The following GPC6 variants were observed in gnomAD, a reference collection of about 807,000 sequenced individuals.
The protein encoded by GPC6 is glypican 6.
GPC6 carries 14 observed loss-of-function variants against 55.2 expected under a neutral mutation model. The ratio of observed to expected loss-of-function variants is 0.25; its 90% CI spans 0.17 to 0.40. GPC6 has a LOEUF of 0.40. Among genes scored for constraint, GPC6 ranks in the 10% least tolerant of loss-of-function variants. The pLI, the probability that GPC6 is intolerant of heterozygous loss-of-function variation, is 1.00. For missense variants in GPC6, 641 were observed against 708.5 expected, an observed-to-expected ratio of 0.90 and a Z score of 1.08; for synonymous variants, 278 against 259.6, an observed-to-expected ratio of 1.07 and a Z score of -0.68.
rs569796032 is a variant in GPC6, at chr13:93,968,169, T to A, written c.712-59560T>A. Among the ~76,000 whole-genome samples, 348 of 152,290 alleles carry A rather than the reference T, an allele frequency of 2.3e-3. 1 individual carries two copies. Among genetic ancestry groups the A allele is most frequent in the Admixed American group, 5.8e-3 (88 of 15,294 alleles). ...GTGTACTTAGTAAAATGCTCATTGT[T>A]AGAAGAAATGAAAGGATGTAGCCAA... On this transcript the variant is annotated intron_variant, in intron 3 of 8. Transcript: ENST00000377047.
In GPC6 at chr13:93,394,202, A is replaced by G. The variant is rs553249506; in HGVS notation, c.161-151061A>G. Reference sequence around the variant, plus strand: ...ATTTTCTTTCTTGTATTCTAATAGCATTTTATGCTTGTAACTGTCATGGAG... The same window carrying G: ...ATTTTCTTTCTTGTATTCTAATAGCGTTTTATGCTTGTAACTGTCATGGAG... On this transcript the variant is annotated intron_variant, in intron 1 of 8. Transcript: ENST00000377047. Among the ~76,000 whole-genome samples, 155 of 152,262 alleles carry G rather than the reference A, an allele frequency of 1.0e-3. 3 individuals are homozygous for G. In the South Asian group the frequency reaches 0.031, roughly 31 times the overall value.
chr13:93,246,444 G>A lies in GPC6; in HGVS notation c.160+18828G>A, dbSNP rs72635657. Among the ~76,000 whole-genome samples, 1,000 of 151,808 alleles carry A rather than the reference G, an allele frequency of 6.6e-3. 10 individuals carry two copies. The highest frequency in any genetic ancestry group is 0.011 in the Non-Finnish European group (740 of 67,946). On this transcript the variant is annotated intron_variant, in intron 1 of 8. Coordinates refer to ENST00000377047, the MANE Select transcript of GPC6 (RefSeq NM_005708.5). Reference sequence around the variant, plus strand: ...TTTCTTAAGATTGCAGTGATGTTGAGGCAACCATTTTCTTTGCAAAGAAAA... The same window carrying A: ...TTTCTTAAGATTGCAGTGATGTTGAAGCAACCATTTTCTTTGCAAAGAAAA...
chr13:94,035,019 A>C (rs1442959721), intron 4 of GPC6, among the ~76,000 whole-genome samples: 1 of 151,844 alleles, frequency 6.6e-6, no homozygotes, highest in African/African-American at 2.4e-5. Context: ...AGAAGAATTT[A>C]GTTGACCAAG....
chr13:94,260,125 A>C (rs1330240640), intron 4 of GPC6, among the ~76,000 whole-genome samples: 1 of 152,192 alleles, frequency 6.6e-6, no homozygotes, highest in East Asian at 1.9e-4. Flanking sequence ...GCATCTGTAA[A>C]GTACTGAATA....
intron 3 of GPC6, among the ~76,000 whole-genome samples, chr13:93,960,097 C>T (rs946931325): frequency 6.6e-6 from 1 of 152,178 alleles, no homozygotes. Flanking sequence ...AATTACTGAT[C>T]TCTTCAACTT....
intron 2 of GPC6, among the ~76,000 whole-genome samples, chr13:93,707,365 T>G (rs1160197392): frequency 1.3e-5 from 2 of 151,706 alleles, no homozygotes; most frequent in Non-Finnish European, 2.9e-5. Context: ...ACTTCTGAAG[T>G]TAAAATAAAA....
chr13:93,391,028 G>T (rs908951656), intron 1 of GPC6, among the ~76,000 whole-genome samples: 2 of 151,960 alleles, frequency 1.3e-5, no homozygotes, highest in African/African-American at 4.8e-5. Context: ...CATGGGTAGT[G>T]TGCCTGGTAA....
chr13:93,987,440 A>T (rs1881080619), intron 3 of GPC6, among the ~76,000 whole-genome samples: 1 of 152,248 alleles, frequency 6.6e-6, no homozygotes, highest in African/African-American at 2.4e-5. Flanking sequence ...AATAATGTCA[A>T]CTAGTCAAAT....
intron 2 of GPC6, among the ~76,000 whole-genome samples, chr13:93,609,144 T>C (rs935290335): frequency 3.3e-5 from 5 of 152,176 alleles, no homozygotes; most frequent in African/African-American, 9.6e-5. Flanking sequence ...TTTCTTATTA[T>C]CTCTCAGATC....
chr13:93,483,051 A>G (rs1411908092), intron 1 of GPC6, among the ~76,000 whole-genome samples: 2 of 152,166 alleles, frequency 1.3e-5, no homozygotes, highest in Non-Finnish European at 2.9e-5. Flanking sequence ...ACTCATCCTG[A>G]TAGCCAGGTG....
rs1477793227 is a variant in GPC6 at position 93,339,775 on chromosome 13, A to C, written c.160+112159A>C. Among the ~76,000 whole-genome samples, 4 of 152,350 alleles carry C rather than the reference A, an allele frequency of 2.6e-5. No homozygotes were observed. The East Asian group carries it at 7.7e-4, about 29-fold the overall frequency. Reference sequence around the variant, plus strand: ...ATGTCCTGCACACTCAAAAGCAATAATGTTTTGTGAAATACAGGCTTACAT... The same window carrying C: ...ATGTCCTGCACACTCAAAAGCAATACTGTTTTGTGAAATACAGGCTTACAT... On this transcript the variant is annotated intron_variant, in intron 1 of 8. Coordinates refer to ENST00000377047, the MANE Select transcript of GPC6 (RefSeq NM_005708.5).
intron 4 of GPC6, among the ~76,000 whole-genome samples, chr13:94,258,273 C>T (rs567562303): frequency 2.1e-4 from 32 of 152,270 alleles, no homozygotes; most frequent in Non-Finnish European, 4.1e-4. Context: ...AACAACTCCC[C>T]GGGGCCGACA....
chr13:93,360,461 T>C (rs964739760), intron 1 of GPC6, among the ~76,000 whole-genome samples: 1 of 152,000 alleles, frequency 6.6e-6, no homozygotes, highest in Non-Finnish European at 1.5e-5. Flanking sequence ...GAATGAGAGG[T>C]CATTTTACTG....
chr13:94,120,663 C>T (rs954551892), intron 4 of GPC6, among the ~76,000 whole-genome samples: 1 of 151,866 alleles, frequency 6.6e-6, no homozygotes, highest in Non-Finnish European at 1.5e-5. Flanking sequence ...TGTGCCCCCA[C>T]AATTGAATAC....
chr13:93,945,838 G>A (rs1241207841), intron 3 of GPC6, among the ~76,000 whole-genome samples: 1 of 152,124 alleles, frequency 6.6e-6, no homozygotes, highest in Admixed American at 6.5e-5. Flanking sequence ...TCCAACATGA[G>A]TGTTTGTTGA....
intron 1 of GPC6, among the ~76,000 whole-genome samples, chr13:93,431,516 G>A (rs1379098731): frequency 6.6e-6 from 1 of 152,106 alleles, no homozygotes; most frequent in Non-Finnish European, 1.5e-5. Flanking sequence ...ATGAGTGAAA[G>A]ATAAGTGAAA....
At chr13:93,747,424 G>T (rs1263023622) in intron 2 of GPC6, among the ~76,000 whole-genome samples, 6 of 152,162 alleles carry the variant, frequency 3.9e-5, no homozygotes, top group African/African-American at 1.4e-4. Context: ...CCATCAGCAA[G>T]TGTCAGTGCC....
At chr13:93,529,608 C>CA (rs1881785127) in intron 1 of GPC6, among the ~76,000 whole-genome samples, 1 of 148,082 alleles carries the variant, frequency 6.8e-6, no homozygotes, top group African/African-American at 2.6e-5. Context: ...CTCCACCTCC[C>CA]TGGTTTCAAG....
At chr13:94,100,791 T>A (rs1226687316) in intron 4 of GPC6, among the ~76,000 whole-genome samples, 4 of 152,252 alleles carry the variant, frequency 2.6e-5, no homozygotes, top group Non-Finnish European at 5.9e-5. Flanking sequence ...TTGGCCTTTT[T>A]CTGTATATAG....
Sources: allele counts gnomAD v4.1 joint callset (sites outside exome capture counted in the v4.1 genomes callset), GRCh38; gene constraint gnomAD v4.1.1; transcripts MANE v1.5; gene names NCBI Gene and HGNC (gene_info 2026-07-23, HGNC 2026-07-21).